Variants in ART3 observed in about 807,000 individuals in gnomAD.
ART3 encodes ADP-ribosyltransferase 3 (inactive).
In ART3, 49 loss-of-function variants were observed where a neutral mutation model predicts 48.5. That is an observed-to-expected ratio of 1.01 (90% CI 0.80 to 1.28). The LOEUF is 1.28. ART3 is among the 50% of genes most tolerant of loss of function. The pLI is 0.00. For missense variants in ART3, 438 were observed against 454.3 expected, an observed-to-expected ratio of 0.96 and a Z score of 0.33; for synonymous variants, 145 against 157.2, an observed-to-expected ratio of 0.92 and a Z score of 0.58.
At chr4:76,071,185 A>C (rs2149504157), upstream of ART3, among the ~76,000 whole-genome samples, 1 of 152,168 alleles carries the variant, frequency 6.6e-6, no homozygotes, top group South Asian at 2.1e-4. Flanking sequence ...CCCCGTCTCT[A>C]GTAAAAATAC....
intron 1 of ART3, among the ~76,000 whole-genome samples, chr4:76,045,268 A>G (rs1027402870): frequency 6.6e-6 from 1 of 152,054 alleles, no homozygotes. Flanking sequence ...GTCATGCTCA[A>G]TTGGTTCCCC....
intron 2 of ART3, among the ~76,000 whole-genome samples, chr4:76,077,710 T>C (rs560351292): frequency 5.9e-5 from 9 of 152,342 alleles, no homozygotes; most frequent in African/African-American, 2.2e-4. Flanking sequence ...TTCTCTTGGG[T>C]GTACACCTAG....
At chr4:76,088,902 G>A (rs1189543549) in intron 3 of ART3, among the ~76,000 whole-genome samples, 2 of 152,012 alleles carry the variant, frequency 1.3e-5, no homozygotes, top group African/African-American at 4.8e-5. Context: ...AAAGTTACAT[G>A]TTATATCATA....
chr4:76,061,148 A>C (rs1027867282), intron 1 of ART3, among the ~76,000 whole-genome samples: 14 of 152,338 alleles, frequency 9.2e-5, no homozygotes, highest in Non-Finnish European at 1.8e-4. Context: ...TCTTTCTCTG[A>C]ACTAGTCAGT....
At chr4:76,062,559 C>CTTTTTTTT (rs34383642) in intron 1 of ART3, among the ~76,000 whole-genome samples, 2 of 113,096 alleles carry the variant, frequency 1.8e-5, no homozygotes, top group Non-Finnish European at 3.4e-5. Flanking sequence ...AAAAATAAAT[C>CTTTTTTTT]TTTTTTTTTT....
At chr4:76,064,446 C>G (rs1719517967) in intron 1 of ART3, among the ~76,000 whole-genome samples, 1 of 152,158 alleles carries the variant, frequency 6.6e-6, no homozygotes, top group African/African-American at 2.4e-5. Flanking sequence ...GAATAGTGAT[C>G]ATGACATTGA....
At chr4:76,049,774 C>T (rs1735869990) in intron 1 of ART3, among the ~76,000 whole-genome samples, 1 of 152,040 alleles carries the variant, frequency 6.6e-6, no homozygotes. Flanking sequence ...GGCGAAAGTC[C>T]CTTCGTGGTT....
At chr4:76,046,698 T>C (rs952316309) in intron 1 of ART3, among the ~76,000 whole-genome samples, 3 of 151,954 alleles carry the variant, frequency 2.0e-5, no homozygotes, top group African/African-American at 7.2e-5. Context: ...CCCATATTCA[T>C]GTAGATAATA....
chr4:76,019,816 T>G (rs1732618006), intron 1 of ART3, among the ~76,000 whole-genome samples: 1 of 151,948 alleles, frequency 6.6e-6, no homozygotes, highest in East Asian at 1.9e-4. Context: ...GTAGTAGAAT[T>G]GCTGGAACAT....
chr4:76,082,983 TAAATAGTGC>T (rs1722810324), intron 3 of ART3, among the ~76,000 whole-genome samples: 1 of 151,956 alleles, frequency 6.6e-6, no homozygotes, highest in East Asian at 1.9e-4. Flanking sequence ...TTACAATAAA[TAAATAGTGC>T]AGCCTGGGAA....
chr4:76,082,245 C>A lies in ART3; in HGVS notation c.491C>A (p.Thr164Lys). 2 of 1,614,170 alleles carry A rather than the reference C, an allele frequency of 1.2e-6. No homozygotes were observed. The highest frequency in any genetic ancestry group is 3.3e-5 in the Admixed American group (2 of 60,022). ...EASSKTVVYR[T>K]SQGTSFTFGG... ...AGTTCCAAAACTGTGGTATATAGAACAAGCCAGGGCACTTCATTTACATTT... is the reference window on the plus strand; with the variant it reads ...AGTTCCAAAACTGTGGTATATAGAAAAAGCCAGGGCACTTCATTTACATTT... The change falls in exon 3 of 12, where the codon ACA (threonine) becomes AAA (lysine). Residue 164 changes from threonine to lysine, a missense_variant. This residue lies in a region of ART3 where 206 missense variants were observed against 205.3 expected (regional missense o/e 1.00). Coordinates refer to ENST00000355810, the MANE Select transcript of ART3 (RefSeq NM_001130016.3).
At chr4:76,020,373 C>G (rs776479822) in intron 1 of ART3, among the ~76,000 whole-genome samples, 4 of 152,186 alleles carry the variant, frequency 2.6e-5, no homozygotes, top group African/African-American at 4.8e-5. Flanking sequence ...GCTGAGATTA[C>G]AGGCATGAGC....
chr4:76,024,238 C>T (rs1334888410), intron 1 of ART3, among the ~76,000 whole-genome samples: 2 of 151,912 alleles, frequency 1.3e-5, no homozygotes, highest in African/African-American at 4.8e-5. Flanking sequence ...GGATTCATAG[C>T]TATCCTAGGG....
At chr4:76,071,689 T>C (rs1414783982), upstream of ART3, among the ~76,000 whole-genome samples, 1 of 152,214 alleles carries the variant, frequency 6.6e-6, no homozygotes, top group Non-Finnish European at 1.5e-5. Context: ...GATCTTTCCT[T>C]TCTTTTGTAA....
intron 9 of ART3, 85 bp downstream of exon 9, chr4:76,104,054 C>T: frequency 7.3e-7 from 1 of 1,370,248 alleles, no homozygotes; most frequent in Non-Finnish European, 1.0e-6. Context: ...TGTCATGAGA[C>T]TATTATTCAT....
intron 1 of ART3, among the ~76,000 whole-genome samples, chr4:76,016,835 C>A (rs1732313086): frequency 6.6e-6 from 1 of 152,188 alleles, no homozygotes; most frequent in South Asian, 2.1e-4. Flanking sequence ...GGCAGAGGAG[C>A]CTTTTACTCA....
At chr4:76,088,214 G>T (rs1724033627) in intron 3 of ART3, among the ~76,000 whole-genome samples, 1 of 151,068 alleles carries the variant, frequency 6.6e-6, no homozygotes, top group African/African-American at 2.4e-5. Context: ...TATATGCAGA[G>T]AAATAGTAGA....
At chr4:76,100,907 G>GA in intron 7 of ART3, 83 bp downstream of exon 7, 5 of 1,601,630 alleles carry the variant, frequency 3.1e-6, no homozygotes, top group Non-Finnish European at 4.3e-6. Flanking sequence ...CATATTTACT[G>GA]AAAATAATTT....
intron 1 of ART3, among the ~76,000 whole-genome samples, chr4:76,028,255 T>G (rs1463481519): frequency 2.0e-5 from 3 of 152,258 alleles, no homozygotes; most frequent in African/African-American, 7.2e-5. Flanking sequence ...ATGTGTCATT[T>G]GAATAAAAAT....
Sources: allele counts gnomAD v4.1 joint callset (sites outside exome capture counted in the v4.1 genomes callset), GRCh38; gene constraint gnomAD v4.1.1; regional missense constraint gnomAD v4.1.1; transcripts MANE v1.5; gene names NCBI Gene and HGNC (gene_info 2026-07-23, HGNC 2026-07-21).